Variants in ZBTB40 observed in about 807,000 individuals in gnomAD.
The protein encoded by ZBTB40 is zinc finger and BTB domain containing 40.
In ZBTB40, 60 loss-of-function variants were observed where a neutral mutation model predicts 117.5. The observed-to-expected ratio is 0.51, with a 90% CI of 0.41 to 0.63. The LOEUF is 0.63. ZBTB40 is among the 30% of genes least tolerant of loss of function. The pLI, the probability that ZBTB40 is intolerant of heterozygous loss-of-function variation, is 0.00. For missense variants in ZBTB40, 1,287 were observed against 1,498.5 expected, an observed-to-expected ratio of 0.86 and a Z score of 2.33; for synonymous variants, 525 against 577.1, an observed-to-expected ratio of 0.91 and a Z score of 1.29.
At chr1:22,512,165 T>A (rs1321323233) in intron 11 of ZBTB40, 31 bp downstream of exon 11, 1 of 1,610,816 alleles carries the variant, frequency 6.2e-7, no homozygotes, top group Non-Finnish European at 8.5e-7. Flanking sequence ...GAACAGAGGA[T>A]GATAATTGTG....
chr1:22,486,717 T>G (rs1350140969), intron 1 of ZBTB40, among the ~76,000 whole-genome samples: 4 of 14,786 alleles, frequency 2.7e-4, no homozygotes, highest in East Asian at 7.4e-3. Flanking sequence ...TCATACATTT[T>G]TTTTGTTTTG....
chr1:22,466,962 G>A (rs976474406), intron 1 of ZBTB40, among the ~76,000 whole-genome samples: 1 of 151,980 alleles, frequency 6.6e-6, no homozygotes. Context: ...TTCTTTTAGT[G>A]TCATATAGAG....
In ZBTB40 at chr1:22,511,974, G is replaced by A. The variant is rs199670147; in HGVS notation, c.2301G>A (p.Gln767=). ...GGGTGGCTAAGAGCAAACAGGTGCA[G>A]TGTAAGGAGTGCAGTGAGACCAAGG... ...RCRVAKSKQV[Q]CKECSETKDS... Residue 767 remains glutamine (Q), a synonymous_variant, in exon 11 of 18, where the codon CAG becomes CAA. Coordinates refer to ENST00000375647, the MANE Select transcript of ZBTB40 (RefSeq NM_014870.4). 2 of 1,614,240 alleles carry A rather than the reference G, an allele frequency of 1.2e-6. No individual in the cohort carries two copies. Among genetic ancestry groups the A allele is most frequent in the East Asian group, 2.2e-5 (1 of 44,880 alleles).
At position 22,526,269 on chromosome 1, in the gene ZBTB40, C is replaced by T. The variant is rs753586560; in HGVS notation, c.3593C>T (p.Ala1198Val). The change falls in exon 18 of 18, where the codon GCC (alanine) becomes GTC (valine). Residue 1198 changes from alanine to valine, a missense_variant. Transcript: ENST00000375647. ...ATCACTTTGGAGGAGACCCAGCTTG[C>T]CGGGTCGCAGGTGTTTGTGACGTTG... ...QVITLEETQL[A>V]GSQVFVTLPD... 1.2e-6 allele frequency: 2 copies of T among 1,614,086 alleles called. No individual in the cohort carries two copies. The highest frequency in any genetic ancestry group is 1.3e-5 in the African/African-American group (1 of 74,938).
intron 1 of ZBTB40, among the ~76,000 whole-genome samples, chr1:22,465,110 G>A (rs1356391446): frequency 6.6e-6 from 1 of 152,194 alleles, no homozygotes; most frequent in Non-Finnish European, 1.5e-5. Flanking sequence ...GGAGACCCGC[G>A]ATGGTTAGTT....
intron 3 of ZBTB40, among the ~76,000 whole-genome samples, chr1:22,497,343 T>G (rs1442058939): frequency 6.6e-6 from 1 of 152,242 alleles, no homozygotes; most frequent in Non-Finnish European, 1.5e-5. Flanking sequence ...TTTTCAGCCG[T>G]GTCGCTGCTT....
rs190707271 is a variant in ZBTB40 at position 22,511,906 on chromosome 1, T to C, written c.2233T>C (p.Phe745Leu). The C allele has an allele frequency of 2.5e-6, 4 of 1,614,196 alleles. No homozygotes were observed. The highest frequency in any genetic ancestry group is 1.7e-6 in the Non-Finnish European group (2 of 1,180,026). Residue 745 changes from phenylalanine to leucine, a missense_variant, in exon 11 of 18, where the codon TTC becomes CTC. Physicochemically the swap from Phe to Leu is conservative, Grantham distance 22. Transcript: ENST00000375647. ...SFICKACDKS[F>L]HFYCRLKVHM... The stretch of plus-strand genomic sequence containing the variant: ...CATCTGTAAGGCCTGCGACAAAAGC[T>C]TCCATTTCTACTGCCGCCTAAAGGT...
At chr1:22,445,504 T>C (rs920121033) in intron 1 of ZBTB40, among the ~76,000 whole-genome samples, 2 of 152,126 alleles carry the variant, frequency 1.3e-5, no homozygotes, top group African/African-American at 4.8e-5. Flanking sequence ...CAGATCTTAT[T>C]TACCCAGTAC....
chr1:22,480,625 C>T (rs1048101068), intron 1 of ZBTB40, among the ~76,000 whole-genome samples: 9 of 152,016 alleles, frequency 5.9e-5, no homozygotes, highest in African/African-American at 2.2e-4. Flanking sequence ...GCTGGGATTA[C>T]AGGCGTGAGC....
At chr1:22,492,046 G>A (rs889534855) in intron 3 of ZBTB40, among the ~76,000 whole-genome samples, 2 of 152,156 alleles carry the variant, frequency 1.3e-5, no homozygotes, top group African/African-American at 4.8e-5. Context: ...CTTGGCATAT[G>A]TGTTACCGCA....
chr1:22,518,015 GGCATGCGT>G (rs1367512425), intron 13 of ZBTB40, among the ~76,000 whole-genome samples: 2 of 152,104 alleles, frequency 1.3e-5, no homozygotes, highest in African/African-American at 2.4e-5. Flanking sequence ...ACTTTTATTC[GGCATGCGT>G]GCATGCGTGG....
intron 3 of ZBTB40, among the ~76,000 whole-genome samples, chr1:22,497,348 C>T (rs191009430): frequency 9.8e-5 from 15 of 152,312 alleles, no homozygotes; most frequent in Admixed American, 3.3e-4. Flanking sequence ...AGCCGTGTCG[C>T]TGCTTTGGAG....
chr1:22,514,968 C>A (rs1639337500), intron 12 of ZBTB40, among the ~76,000 whole-genome samples: 1 of 152,114 alleles, frequency 6.6e-6, no homozygotes, highest in Non-Finnish European at 1.5e-5. Flanking sequence ...GTAAAACTGA[C>A]AATAAACAAA....
chr1:22,453,911 A>G (rs1640943373), intron 1 of ZBTB40, among the ~76,000 whole-genome samples: 1 of 152,246 alleles, frequency 6.6e-6, no homozygotes, highest in Non-Finnish European at 1.5e-5. Context: ...CCAAGTAAAC[A>G]AATCTAGGTC....
chr1:22,526,371 C>T lies in ZBTB40; in HGVS notation c.3695C>T (p.Thr1232Met), dbSNP rs377364120. 80 of 1,614,058 alleles carry T rather than the reference C, an allele frequency of 5.0e-5. No individual in the cohort carries two copies. Among genetic ancestry groups the T allele is most frequent in the African/African-American group, 2.4e-4 (18 of 74,934 alleles). Residue 1232 changes from threonine to methionine, a missense_variant, in exon 18 of 18, where the codon ACG becomes ATG. Physicochemically the swap from Thr to Met is moderately conservative, Grantham distance 81. Coordinates refer to ENST00000375647, the MANE Select transcript of ZBTB40 (RefSeq NM_014870.4). ...GAGGACTTGCTGGATGGCACAGTGA[C>T]GCTGATCTGTGGTGAGGCCAAATGA... ...TVEDLLDGTV[T>M]LICGEAK
intron 1 of ZBTB40, among the ~76,000 whole-genome samples, chr1:22,487,618 GCT>G (rs1404429498): frequency 6.6e-6 from 1 of 151,602 alleles, no homozygotes; most frequent in African/African-American, 2.4e-5. Context: ...TGTTTTTTTG[GCT>G]CTCTCCTATT....
At chr1:22,450,206 A>C (rs372822171), upstream of ZBTB40, among the ~76,000 whole-genome samples, 2 of 152,160 alleles carry the variant, frequency 1.3e-5, no homozygotes, top group Non-Finnish European at 2.9e-5. Flanking sequence ...CGGCCTCCCA[A>C]AATGCTCCCA....
rs1639619401 is a variant in ZBTB40 at position 22,524,369 on chromosome 1, T to G, written c.3450T>G (p.Leu1150=). 6.2e-7 allele frequency: 1 copy of G among 1,614,160 alleles called. No homozygotes were observed. The highest frequency in any genetic ancestry group is 1.3e-5 in the African/African-American group (1 of 75,044). ...CGELFTSQAQ[L]DSHLESEHPK... is the part of the protein sequence containing the mutation. Reference sequence around the variant, plus strand: ...AACTCTTCACCTCCCAGGCCCAGCTTGACAGTCACCTGGAATCTGAGCACC... The same window carrying G: ...AACTCTTCACCTCCCAGGCCCAGCTGGACAGTCACCTGGAATCTGAGCACC... Residue 1150 remains leucine, a synonymous_variant, in exon 17 of 18, where the codon CTT becomes CTG. Transcript: ENST00000375647.
intron 1 of ZBTB40, among the ~76,000 whole-genome samples, chr1:22,475,614 C>G (rs1641534807): frequency 6.6e-6 from 1 of 152,202 alleles, no homozygotes; most frequent in South Asian, 2.1e-4. Context: ...CCTTCCCTTG[C>G]CACTCACTGG....
Sources: gnomAD v4.1 joint callset for allele counts (sites outside exome capture counted in the v4.1 genomes callset) on GRCh38, gnomAD v4.1.1 for gene constraint, MANE v1.5 for transcripts, NCBI Gene and HGNC (gene_info 2026-07-23, HGNC 2026-07-21) for gene names.